Variants in ARID5B observed in about 807,000 individuals in gnomAD.
ARID5B encodes the protein AT-rich interactive domain-containing protein 5B.
ARID5B carries 13 observed loss-of-function variants against 97.2 expected under a neutral mutation model. That is an observed-to-expected ratio of 0.13 (90% CI 0.09 to 0.21). The LOEUF (loss-of-function observed/expected upper bound fraction) is 0.21. Among genes scored for constraint, ARID5B ranks in the 10% least tolerant of loss-of-function variants. The pLI, the probability that ARID5B is intolerant of heterozygous loss-of-function variation, is 1.00. For missense variants in ARID5B, 1,210 were observed against 1,465.3 expected (o/e 0.83, Z 2.84); for synonymous variants, 556 against 570.3 (o/e 0.97, Z 0.36).
chr10:62,086,099 A>G (rs1285579895), intron 9 of ARID5B, among the ~76,000 whole-genome samples, 199 bp downstream of exon 9: 1 of 152,220 alleles, frequency 6.6e-6, no homozygotes, highest in Non-Finnish European at 1.5e-5. Flanking sequence ...ATGAAATCCA[A>G]TGCCTAGTAT....
chr10:61,910,202 T>G (rs1277347857), intron 2 of ARID5B, among the ~76,000 whole-genome samples: 1 of 152,222 alleles, frequency 6.6e-6, no homozygotes, highest in East Asian at 1.9e-4. Flanking sequence ...TACATGTAAA[T>G]ACTTCATTAT....
At chr10:62,039,032 C>A (rs569293765) in intron 4 of ARID5B, among the ~76,000 whole-genome samples, 10 of 152,314 alleles carry the variant, frequency 6.6e-5, no homozygotes, top group African/African-American at 2.4e-4. Context: ...CTGGTGCAGA[C>A]AAGAGCTTTT....
chr10:62,084,196 G>A (rs1403277742), intron 8 of ARID5B, among the ~76,000 whole-genome samples: 1 of 152,152 alleles, frequency 6.6e-6, no homozygotes, highest in Admixed American at 6.5e-5. Context: ...GTCCAAGCAT[G>A]CTCAGTAAAT....
At chr10:61,923,951 T>G (rs1844059402) in intron 2 of ARID5B, among the ~76,000 whole-genome samples, 1 of 152,234 alleles carries the variant, frequency 6.6e-6, no homozygotes, top group African/African-American at 2.4e-5. Context: ...ACAACAACAC[T>G]GGATGAAGCT....
chr10:61,958,033 A>G (rs541452568), intron 3 of ARID5B, among the ~76,000 whole-genome samples: 19 of 152,130 alleles, frequency 1.2e-4, no homozygotes, highest in Middle Eastern at 3.4e-3. Flanking sequence ...CCTCTTTTAG[A>G]TTGGAGGGTT....
At chr10:62,024,656 A>C (rs116963617) in intron 4 of ARID5B, 1 of 381,688 alleles carries the variant, frequency 2.6e-6, no homozygotes. Flanking sequence ...ATATTTTCTG[A>C]TTTTTTTTTC....
chr10:61,934,135 C>T (rs1844258105), intron 2 of ARID5B, among the ~76,000 whole-genome samples: 2 of 152,182 alleles, frequency 1.3e-5, no homozygotes, highest in Admixed American at 6.5e-5. Context: ...ATGAATCAAC[C>T]TCTGTTAGCT....
chr10:62,089,528 C>CTTTTTTTTTTTTTTTTTTTTTTT (rs34423923), intron 9 of ARID5B, among the ~76,000 whole-genome samples: 1 of 101,548 alleles, frequency 9.8e-6, no homozygotes, highest in Admixed American at 1.0e-4. Context: ...CCTTCTTTTT[C>CTTTTTTTTTTTTTTTTTTTTTTT]TTTTTTTTTT....
chr10:61,948,380 ATTT>A lies in ARID5B; in HGVS notation c.502+7990_502+7992del, dbSNP rs71470784. Among the ~76,000 whole-genome samples the A allele has an allele frequency of 5.5e-4, 47 of 86,196 alleles. 2 individuals are homozygous for A. The highest frequency in any genetic ancestry group is 2.1e-3 in the East Asian group (6 of 2,798). 56.5% of individuals were successfully genotyped at this position (86,196 alleles called of 152,430 possible). On this transcript the variant is annotated intron_variant, in intron 3 of 9. Transcript: ENST00000279873. ...CTTATCTTAGGATACACTTTAGGTA[ATTT>A]TTTTTTTTTTTTTTTTTGAGATGGA...
chr10:61,983,958 G>A (rs1838813598), intron 3 of ARID5B, among the ~76,000 whole-genome samples: 1 of 21,034 alleles, frequency 4.8e-5, no homozygotes, highest in African/African-American at 1.5e-4. Context: ...CGCAATCTCG[G>A]CTCACTGCAA....
At chr10:61,960,252 G>A (rs939409491) in intron 3 of ARID5B, among the ~76,000 whole-genome samples, 1 of 152,086 alleles carries the variant, frequency 6.6e-6, no homozygotes, top group African/African-American at 2.4e-5. Context: ...GAAATACTAC[G>A]TACAGTAATG....
intron 4 of ARID5B, among the ~76,000 whole-genome samples, chr10:62,015,180 A>G (rs893805356): frequency 2.0e-5 from 3 of 152,230 alleles, no homozygotes; most frequent in African/African-American, 7.2e-5. Context: ...AAGTGTTAGT[A>G]GGATAAATAC....
At chr10:62,029,899 G>A (rs772763294) in intron 4 of ARID5B, among the ~76,000 whole-genome samples, 5 of 152,182 alleles carry the variant, frequency 3.3e-5, no homozygotes, top group African/African-American at 4.8e-5. Context: ...GGGGTAAGAC[G>A]TACACAGAGC....
chr10:62,066,189 G>A (rs1199564649), intron 7 of ARID5B, among the ~76,000 whole-genome samples: 1 of 152,198 alleles, frequency 6.6e-6, no homozygotes, highest in African/African-American at 2.4e-5. Flanking sequence ...CATGAAGCCG[G>A]GAGATGTTTC....
chr10:61,943,867 A>AT (rs3841641), intron 3 of ARID5B, among the ~76,000 whole-genome samples: 45 of 149,142 alleles, frequency 3.0e-4, no homozygotes, highest in African/African-American at 8.8e-4. Context: ...CAACTCTTTC[A>AT]TTTTTTTTTT....
intron 2 of ARID5B, among the ~76,000 whole-genome samples, chr10:61,923,431 C>G (rs1453109988): frequency 6.6e-6 from 1 of 152,224 alleles, no homozygotes; most frequent in Non-Finnish European, 1.5e-5. Flanking sequence ...ACATACATGA[C>G]TATCCGCTCT....
chr10:62,064,237 A>G (rs1042562825), intron 7 of ARID5B, among the ~76,000 whole-genome samples: 1 of 152,196 alleles, frequency 6.6e-6, no homozygotes, highest in Non-Finnish European at 1.5e-5. Context: ...CTTAAATTCA[A>G]AATTCTCCAG....
chr10:61,953,320 G>A (rs1474866200), intron 3 of ARID5B, among the ~76,000 whole-genome samples: 2 of 152,114 alleles, frequency 1.3e-5, no homozygotes, highest in Non-Finnish European at 2.9e-5. Flanking sequence ...AGAGTTCAAA[G>A]CATGATGAAA....
In ARID5B at chr10:62,088,246, A is replaced by G. The variant is rs183018360; in HGVS notation, c.1398+2346A>G. 4.3e-4 allele frequency among the ~76,000 whole-genome samples: 65 copies of G among 152,294 alleles called. 3 individuals carry two copies. In the East Asian group the frequency reaches 8.3e-3, roughly 19 times the overall value. On this transcript the variant is annotated intron_variant, in intron 9 of 9. Transcript: ENST00000279873. The stretch of plus-strand genomic sequence containing the variant: ...AAGGAAATTCCAAGTGCATGCTTAC[A>G]TTCCATTTTTCCTTGATACTTTTGG...
Sources: allele counts gnomAD v4.1 joint callset (sites outside exome capture counted in the v4.1 genomes callset), GRCh38; gene constraint gnomAD v4.1.1; transcripts MANE v1.5; gene names NCBI Gene and HGNC (gene_info 2026-07-23, HGNC 2026-07-21).